Variants in C10orf71 observed in about 807,000 individuals in gnomAD.
C10orf71 encodes the protein chromosome 10 open reading frame 71, also known as cardiac-enriched FHL2-interacting protein.
For synonymous variants in C10orf71, 758 were observed against 726.3 expected, an observed-to-expected ratio of 1.04 and a Z score of -0.70; for missense variants, 1,869 against 1,804.5, an observed-to-expected ratio of 1.04 and a Z score of -0.65.
chr10:49,326,363 C>A lies in C10orf71; in HGVS notation c.3818C>A (p.Thr1273Asn), dbSNP rs779022484. 3 of 1,550,524 alleles carry A rather than the reference C, an allele frequency of 1.9e-6. No individual in the cohort carries two copies. The highest frequency in any genetic ancestry group is 8.7e-7 in the Non-Finnish European group (1 of 1,146,896). Residue 1273 changes from threonine (T) to asparagine (N), a missense_variant, in exon 3 of 3, where the codon ACC becomes AAC. Physicochemically the swap from Thr to Asn is moderately conservative, Grantham distance 65. Transcript: ENST00000374144. ...SLTPLPAYPA[T>N]QKVLQDPQSG... ...ACACCCCTGCCCGCGTACCCCGCCACCCAGAAGGTCCTCCAGGATCCGCAG... is the reference window on the plus strand; with the variant it reads ...ACACCCCTGCCCGCGTACCCCGCCAACCAGAAGGTCCTCCAGGATCCGCAG...
At chr10:49,300,594 G>C (rs1848711788) in intron 1 of C10orf71, among the ~76,000 whole-genome samples, 1 of 152,140 alleles carries the variant, frequency 6.6e-6, no homozygotes, top group African/African-American at 2.4e-5. Context: ...AGGCCTGGCT[G>C]ATACAGGAAA....
At chr10:49,297,923 G>A (rs1471115016), upstream of C10orf71, among the ~76,000 whole-genome samples, 2 of 152,210 alleles carry the variant, frequency 1.3e-5, no homozygotes, top group Non-Finnish European at 2.9e-5. Context: ...TCCCCACAGC[G>A]AGGTTCTGAA....
At position 49,324,383 on chromosome 10, in the gene C10orf71, G is replaced by A; in HGVS notation, c.1838G>A (p.Ser613Asn). 1 of 1,613,612 alleles carries A rather than the reference G, an allele frequency of 6.2e-7. No homozygotes were observed. Among genetic ancestry groups the A allele is most frequent in the South Asian group, 1.1e-5 (1 of 90,976 alleles). The change falls in exon 3 of 3, where the codon AGT becomes AAT. Residue 613 changes from serine to asparagine, a missense_variant. Ser to Asn is a conservative substitution (Grantham distance 46). Coordinates refer to ENST00000374144, the MANE Select transcript of C10orf71 (RefSeq NM_001135196.2). ...AATGGGGAGGCTGCTGAGAGAAGCA[G>A]TTATGAGAACAAGGAGGTGGAAGGA... ...YVNGEAAERS[S>N]YENKEVEGEL...
chr10:49,318,122 A>G (rs1385188916), intron 2 of C10orf71, among the ~76,000 whole-genome samples: 1 of 152,236 alleles, frequency 6.6e-6, no homozygotes, highest in Non-Finnish European at 1.5e-5. Flanking sequence ...GAAATCAAGC[A>G]GTTTCTGGCT....
At chr10:49,298,328 C>A (rs1304258620), upstream of C10orf71, among the ~76,000 whole-genome samples, 1 of 152,202 alleles carries the variant, frequency 6.6e-6, no homozygotes, top group Non-Finnish European at 1.5e-5. Flanking sequence ...TAAAAAAGAA[C>A]CTTGGAGAGA....
At chr10:49,314,820 C>G (rs1407195137) in intron 1 of C10orf71, among the ~76,000 whole-genome samples, 1 of 152,180 alleles carries the variant, frequency 6.6e-6, no homozygotes, top group Admixed American at 6.5e-5. Context: ...TTCCTATTAT[C>G]TTTTCCCTTC....
chr10:49,309,452 G>T (rs1848873531), intron 1 of C10orf71, among the ~76,000 whole-genome samples: 1 of 152,194 alleles, frequency 6.6e-6, no homozygotes. Context: ...AACCAGATCT[G>T]CCAGTGCCTT....
At chr10:49,297,540 G>C (rs1848658386), upstream of C10orf71, among the ~76,000 whole-genome samples, 1 of 152,186 alleles carries the variant, frequency 6.6e-6, no homozygotes, top group African/African-American at 2.4e-5. Context: ...AAAATCATGG[G>C]AAAAAATAAC....
intron 1 of C10orf71, among the ~76,000 whole-genome samples, chr10:49,312,418 C>G (rs1848931022): frequency 1.3e-5 from 2 of 152,212 alleles, no homozygotes; most frequent in African/African-American, 4.8e-5. Context: ...GAGTCCTGCA[C>G]AATTGCCTGG....
Position 49,327,293 on chromosome 10 carries a change from C to A in C10orf71, c.*440C>A. The A allele has an allele frequency of 3.6e-6, 1 of 278,426 alleles. No homozygotes were observed. The highest frequency in any genetic ancestry group is 4.1e-5 in the South Asian group (1 of 24,564). 17.2% of individuals were successfully genotyped at this position (278,426 alleles called of 1,614,324 possible). ...TCCTTGATGAGCAAACCCCTAAGGC[C>A]CCCAGCTCAGACTCAGCAGGCATTC... On this transcript the variant is annotated 3_prime_UTR_variant, in exon 3 of 3. Transcript: ENST00000374144.
Position 49,305,822 on chromosome 10 carries a change from G to A in C10orf71, c.-248+6589G>A, listed in dbSNP as rs61848576. Among the ~76,000 whole-genome samples, 754 of 152,334 alleles carry A rather than the reference G, an allele frequency of 4.9e-3. 8 individuals carry two copies. Among genetic ancestry groups the A allele is most frequent in the Middle Eastern group, 0.037 (11 of 294 alleles). ...TAATTAGGGATGCCTAAAATTTCTG[G>A]TCTCAGAGAGTTTTTTTTAAATCAC... On this transcript the variant is annotated intron_variant, in intron 1 of 2. Transcript: ENST00000374144.
At chr10:49,299,544 T>C (rs1848688723) in intron 1 of C10orf71, 1 of 152,932 alleles carries the variant, frequency 6.5e-6, no homozygotes. Flanking sequence ...GCCGATGCTG[T>C]GCTGGGGAAG....
rs760760407 is a variant in C10orf71, at chr10:49,324,300, A to G, written c.1755A>G (p.Ala585=). The change falls in exon 3 of 3, where the codon GCA becomes GCG. Residue 585 remains alanine, a synonymous_variant. Coordinates refer to ENST00000374144, the MANE Select transcript of C10orf71 (RefSeq NM_001135196.2). ...DPTADPSEPS[A]DSYLTLSTAP... ...CAGCTGACCCCAGTGAGCCCTCTGC[A>G]GACAGCTATCTAACTCTTAGCACAG... is the stretch of plus-strand genomic sequence containing the variant. 1.2e-6 allele frequency: 2 copies of G among 1,613,932 alleles called. No homozygotes were observed. Among genetic ancestry groups the G allele is most frequent in the South Asian group, 1.1e-5 (1 of 91,072 alleles).
At chr10:49,319,979 G>T (rs1849067561) in intron 2 of C10orf71, among the ~76,000 whole-genome samples, 2 of 152,036 alleles carry the variant, frequency 1.3e-5, no homozygotes, top group African/African-American at 2.4e-5. Context: ...GGCTTCCAGG[G>T]GGGAGGGGAA....
At chr10:49,303,781 C>A (rs764950345) in intron 1 of C10orf71, among the ~76,000 whole-genome samples, 45 of 152,226 alleles carry the variant, frequency 3.0e-4, no homozygotes, top group Non-Finnish European at 4.9e-4. Flanking sequence ...GTTTTCCTTG[C>A]CATGAGGAAT....
Position 49,322,669 on chromosome 10 carries a change from A to G in C10orf71, c.124A>G (p.Ile42Val). 1.2e-6 allele frequency: 2 copies of G among 1,613,842 alleles called. No individual in the cohort carries two copies. Among genetic ancestry groups the G allele is most frequent in the Middle Eastern group, 1.6e-4 (1 of 6,062 alleles). Residue 42 changes from isoleucine (I) to valine (V), a missense_variant, in exon 3 of 3, where the codon ATC becomes GTC. By Grantham distance (29) the Ile-to-Val change is conservative. Coordinates refer to ENST00000374144, the MANE Select transcript of C10orf71 (RefSeq NM_001135196.2). The stretch of plus-strand genomic sequence containing the variant: ...AGACCGGGCATTCCGGAGTTTGTGC[A>G]TCTCCGAGGACACATCCTTCCATGA... ...LTDRAFRSLC[I>V]SEDTSFHDSY...
chr10:49,302,084 T>C (rs910372987), intron 1 of C10orf71, among the ~76,000 whole-genome samples: 9 of 152,178 alleles, frequency 5.9e-5, no homozygotes, highest in African/African-American at 2.2e-4. Context: ...CTCAAAGCCT[T>C]CACCTGAAGC....
chr10:49,325,383 G>A lies in C10orf71; in HGVS notation c.2838G>A (p.Arg946=). Residue 946 remains arginine (R), a synonymous_variant, in exon 3 of 3, where the codon AGG becomes AGA. Transcript: ENST00000374144. ...EDPGQGSSMA[R]MEASQPAPKG... is the part of the protein sequence containing the mutation. ...CTGGGCAGGGGTCGAGCATGGCCAG[G>A]ATGGAGGCCTCTCAGCCAGCCCCAA... The A allele has an allele frequency of 6.4e-7, 1 of 1,551,406 alleles. No homozygotes were observed. Among genetic ancestry groups the A allele is most frequent in the Non-Finnish European group, 8.7e-7 (1 of 1,146,736 alleles).
chr10:49,322,634 G>A lies in C10orf71; in HGVS notation c.89G>A (p.Ser30Asn), dbSNP rs368952171. 3.5e-5 allele frequency: 56 copies of A among 1,613,318 alleles called. No individual in the cohort carries two copies. Among genetic ancestry groups the A allele is most frequent in the Non-Finnish European group, 4.3e-5 (51 of 1,179,608 alleles). Residue 30 changes from serine (S) to asparagine (N), a missense_variant, in exon 3 of 3, where the codon AGC becomes AAC. Transcript: ENST00000374144. ...TTGGATGATGCAGACAGGGAGGTGA[G>A]CAGCCTAACAGACCGGGCATTCCGG... is the stretch of plus-strand genomic sequence containing the variant. Reference protein sequence around the residue: ...SVLDDADREVSSLTDRAFRSL... With the variant: ...SVLDDADREVNSLTDRAFRSL...
Sources: allele counts gnomAD v4.1 joint callset (sites outside exome capture counted in the v4.1 genomes callset), GRCh38; gene constraint gnomAD v4.1.1; transcripts MANE v1.5; gene names NCBI Gene and HGNC (gene_info 2026-07-23, HGNC 2026-07-21).